RGS6: variants seen among roughly 807,000 people sequenced by gnomAD.
RGS6 encodes regulator of G-protein signaling 6.
A neutral mutation model predicts 78.5 loss-of-function variants in RGS6; 30 were observed. That is an observed-to-expected ratio of 0.38 (90% confidence interval 0.29 to 0.52). The LOEUF (loss-of-function observed/expected upper bound fraction) is 0.52. Ranked by LOEUF, RGS6 falls within the 20% of genes least tolerant of loss-of-function variation. The pLI is 0.85. For missense variants in RGS6, 495 were observed against 609.7 expected, an observed-to-expected ratio of 0.81 and a Z score of 1.98; for synonymous variants, 206 against 206.0, an observed-to-expected ratio of 1.00 and a Z score of 0.00.
intron 2 of RGS6, among the ~76,000 whole-genome samples, chr14:72,259,645 C>T (rs577002749): frequency 1.4e-4 from 21 of 152,228 alleles, no homozygotes; most frequent in African/African-American, 4.3e-4. Flanking sequence ...CGGTGGCTCA[C>T]GCCTGTAATC....
intron 6 of RGS6, among the ~76,000 whole-genome samples, chr14:72,465,316 T>G (rs2095872496): frequency 1.3e-5 from 2 of 151,928 alleles, no homozygotes; most frequent in Admixed American, 1.3e-4. Context: ...TCACTCTGAG[T>G]GTAGGATGTT....
intron 2 of RGS6, among the ~76,000 whole-genome samples, chr14:72,342,816 A>G (rs375753189): frequency 2.0e-5 from 3 of 151,478 alleles, no homozygotes; most frequent in Non-Finnish European, 4.4e-5. Flanking sequence ...AAAATGCAGC[A>G]TTGAAAATGG....
At chr14:71,986,354 G>C (rs2094709407) in intron 2 of RGS6, among the ~76,000 whole-genome samples, 1 of 152,114 alleles carries the variant, frequency 6.6e-6, no homozygotes, top group African/African-American at 2.4e-5. Flanking sequence ...AACGTTTTCA[G>C]CAGCTGCCTG....
At chr14:72,332,050 C>T (rs1017569981) in intron 2 of RGS6, among the ~76,000 whole-genome samples, 3 of 152,146 alleles carry the variant, frequency 2.0e-5, no homozygotes, top group African/African-American at 4.8e-5. Flanking sequence ...ATTATTTAAC[C>T]GAAGGGACTC....
rs948416366 is a variant in RGS6, at chr14:72,392,405, C to T, written c.184+40211C>T. 5.9e-5 allele frequency among the ~76,000 whole-genome samples: 9 copies of T among 152,082 alleles called. No homozygotes were observed. The South Asian group carries it at 6.2e-4, about 11-fold the overall frequency. Reference sequence around the variant, plus strand: ...ACACACAGAACCCATGAAGACCCACCGGAACTCAGGTCAGTTATCGCTGCC... The same window carrying T: ...ACACACAGAACCCATGAAGACCCACTGGAACTCAGGTCAGTTATCGCTGCC... On this transcript the variant is annotated intron_variant, in intron 3 of 17. Transcript: ENST00000553525.
intron 2 of RGS6, among the ~76,000 whole-genome samples, chr14:72,243,836 G>A (rs2053539529): frequency 6.6e-6 from 1 of 151,444 alleles, no homozygotes; most frequent in African/African-American, 2.4e-5. Context: ...CGACTTTTAA[G>A]TTCTAGAGCT....
At chr14:72,456,421 C>T (rs1444806955) in intron 4 of RGS6, among the ~76,000 whole-genome samples, 1 of 152,230 alleles carries the variant, frequency 6.6e-6, no homozygotes, top group Non-Finnish European at 1.5e-5. Flanking sequence ...TCCCGAGTAG[C>T]TGGGACTATA....
chr14:71,900,588 T>G, the RGS6 span, among the ~76,000 whole-genome samples: 1 of 152,198 alleles, frequency 6.6e-6, no homozygotes, highest in African/African-American at 2.4e-5. Flanking sequence ...ACTCTTGGTG[T>G]ATTTGTCTAT....
chr14:72,546,028 GAAATGTGAGCACT>G (rs1451636285), intron 17 of RGS6, among the ~76,000 whole-genome samples: 1 of 152,204 alleles, frequency 6.6e-6, no homozygotes, highest in African/African-American at 2.4e-5. Flanking sequence ...AGGAAGGAAT[GAAATGTGAGCACT>G]TGGGAATCTC....
At chr14:72,545,503 G>A (rs957173075) in intron 17 of RGS6, among the ~76,000 whole-genome samples, 11 of 152,098 alleles carry the variant, frequency 7.2e-5, no homozygotes, top group African/African-American at 1.2e-4. Flanking sequence ...GGACTAGGTC[G>A]TCTCGATGGT....
chr14:72,385,712 A>C (rs1291890553), intron 3 of RGS6, among the ~76,000 whole-genome samples: 1 of 152,176 alleles, frequency 6.6e-6, no homozygotes, highest in East Asian at 1.9e-4. Context: ...TGAAGCCCCC[A>C]TGGGGGACAC....
At chr14:72,518,705 GGAT>G (rs1236668790) in intron 15 of RGS6, among the ~76,000 whole-genome samples, 168 bp downstream of exon 15, 1 of 152,168 alleles carries the variant, frequency 6.6e-6, no homozygotes. Flanking sequence ...CAAAATCCCA[GGAT>G]CGTTTTCCTA....
chr14:72,330,953 GCCT>G (rs1489428728), intron 2 of RGS6, among the ~76,000 whole-genome samples: 2 of 152,162 alleles, frequency 1.3e-5, no homozygotes, highest in African/African-American at 4.8e-5. Context: ...CCTTTGAGGG[GCCT>G]CCTCTGATCC....
intron 2 of RGS6, among the ~76,000 whole-genome samples, chr14:72,179,604 T>C (rs780038248): frequency 7.2e-5 from 11 of 152,132 alleles, no homozygotes; most frequent in Non-Finnish European, 1.5e-4. Context: ...AATATTTGCA[T>C]TGATTCCTGC....
At chr14:72,455,042 A>G (rs1032353927) in intron 4 of RGS6, among the ~76,000 whole-genome samples, 3 of 152,186 alleles carry the variant, frequency 2.0e-5, no homozygotes, top group Admixed American at 1.3e-4. Flanking sequence ...AATTAGGAAG[A>G]CCTTACCAGG....
intron 2 of RGS6, among the ~76,000 whole-genome samples, chr14:72,018,776 CCTT>C (rs1007120522): frequency 6.6e-6 from 1 of 152,144 alleles, no homozygotes; most frequent in Non-Finnish European, 1.5e-5. Context: ...TTGTTTCTCT[CCTT>C]CTCCCTCACC....
chr14:72,006,649 ACT>A (rs2084624166), intron 2 of RGS6, among the ~76,000 whole-genome samples: 1 of 152,072 alleles, frequency 6.6e-6, no homozygotes, highest in African/African-American at 2.4e-5. Flanking sequence ...CTCATAAGAA[ACT>A]CTGAGTCAAA....
chr14:72,174,384 C>T (rs1433279725), intron 2 of RGS6, among the ~76,000 whole-genome samples: 1 of 152,192 alleles, frequency 6.6e-6, no homozygotes, highest in Admixed American at 6.5e-5. Flanking sequence ...AGTTATGAGC[C>T]ACTGCGCCCG....
chr14:72,492,786 T>C (rs776967479), intron 12 of RGS6, among the ~76,000 whole-genome samples: 8 of 152,164 alleles, frequency 5.3e-5, no homozygotes, highest in Non-Finnish European at 8.8e-5. Flanking sequence ...GTACAACCTG[T>C]GGGCCAAACC....
Sources: gnomAD v4.1 joint callset for allele counts (sites outside exome capture counted in the v4.1 genomes callset) on GRCh38, gnomAD v4.1.1 for gene constraint, MANE v1.5 for transcripts, NCBI Gene and HGNC (gene_info 2026-07-23, HGNC 2026-07-21) for gene names.